Variants in CHL1 observed in about 807,000 individuals in gnomAD.
CHL1 encodes the protein cell adhesion molecule L1 like.
A neutral mutation model predicts 141.9 loss-of-function variants in CHL1; 96 were observed. The observed-to-expected ratio is 0.68, with a 90% CI of 0.57 to 0.80. CHL1 has a LOEUF of 0.80. CHL1 is among the 30% of genes least tolerant of loss of function. CHL1 has a pLI of 0.00. For missense variants in CHL1, 1,820 were observed against 1,457.2 expected, an observed-to-expected ratio of 1.25 and a Z score of -4.05; for synonymous variants, 613 against 502.2, an observed-to-expected ratio of 1.22 and a Z score of -2.95.
At chr3:212,691 T>C (rs1395423774) in intron 1 of CHL1, among the ~76,000 whole-genome samples, 7 of 152,194 alleles carry the variant, frequency 4.6e-5, no homozygotes, top group Admixed American at 2.6e-4. Context: ...GGAGTCAGCC[T>C]TCATTATTCC....
At chr3:356,021 G>A (rs1172632706) in intron 11 of CHL1, among the ~76,000 whole-genome samples, 1 of 152,118 alleles carries the variant, frequency 6.6e-6, no homozygotes, top group African/African-American at 2.4e-5. Context: ...TTAGCACGGG[G>A]ACTGCCACAA....
At chr3:337,834 T>C (rs28798374) in intron 5 of CHL1, among the ~76,000 whole-genome samples, 7,014 of 152,230 alleles carry the variant, frequency 0.046, 192 homozygotes, top group Non-Finnish European at 0.064. Context: ...AATAAACATA[T>C]GTGTGCATGT....
At chr3:337,062 T>C (rs1482360381) in intron 5 of CHL1, among the ~76,000 whole-genome samples, 1 of 152,020 alleles carries the variant, frequency 6.6e-6, no homozygotes, top group Non-Finnish European at 1.5e-5. Flanking sequence ...TGGAGAAGAG[T>C]GAAAAGATAG....
chr3:401,750 G>A (rs557108933), intron 27 of CHL1, 52 bp downstream of exon 27: 2 of 1,064,734 alleles, frequency 1.9e-6, no homozygotes, highest in Admixed American at 2.4e-5. Flanking sequence ...CATGTTGAAA[G>A]CTTAAGTGAA....
At chr3:285,118 T>A (rs964142765) in intron 2 of CHL1, among the ~76,000 whole-genome samples, 2 of 152,234 alleles carry the variant, frequency 1.3e-5, no homozygotes, top group Non-Finnish European at 2.9e-5. Context: ...CAAGCATAAT[T>A]GAAATAATTA....
At chr3:262,519 C>T (rs1373495870) in intron 2 of CHL1, among the ~76,000 whole-genome samples, 3 of 133,804 alleles carry the variant, frequency 2.2e-5, no homozygotes, top group Non-Finnish European at 4.6e-5. Context: ...AAGCCTAGAT[C>T]TACACAGTAC....
intron 11 of CHL1, among the ~76,000 whole-genome samples, chr3:355,895 C>T (rs555527656): frequency 6.6e-4 from 100 of 152,238 alleles, no homozygotes; most frequent in African/African-American, 2.2e-3. Flanking sequence ...AGCTGCGTGA[C>T]GGGGAGTATC....
Position 408,952 on chromosome 3 carries a change from A to G in CHL1, c.*3241A>G, listed in dbSNP as rs929880508. On this transcript the variant is annotated 3_prime_UTR_variant, in exon 28 of 28. Transcript: ENST00000256509. ...TTTTCCTATTTTATACTCATGGAAG[A>G]GATAAGCTAAAGAGGGGACAATAAT... 2 of 152,238 alleles carry G rather than the reference A, an allele frequency of 1.3e-5. No individual in the cohort carries two copies. Among genetic ancestry groups the G allele is most frequent in the East Asian group, 1.9e-4 (1 of 5,178 alleles). The allele number at this position is 152,238 out of a possible 1,614,324, so 9.4% of individuals were successfully genotyped here. A position where few individuals can be genotyped will look rare whatever the true frequency, so the allele number is the denominator to read the frequency against.
intron 2 of CHL1, among the ~76,000 whole-genome samples, chr3:288,722 A>G (rs896385148): frequency 2.6e-5 from 4 of 152,158 alleles, no homozygotes; most frequent in African/African-American, 9.7e-5. Flanking sequence ...TGCATTCTCT[A>G]TGTGTCAGGC....
rs200150722 is a variant in CHL1 at position 323,982 on chromosome 3, TTAAA to T, written c.92-1971_92-1968del. On this transcript the variant is annotated intron_variant, in intron 3 of 27. Coordinates refer to ENST00000256509, the MANE Select transcript of CHL1 (RefSeq NM_006614.4). ...TGATTTACTTTAACATTGAATTATTTTAAATAAATTCATAAGTAAACATTTTGAA... is the reference window on the plus strand; with the variant it reads ...TGATTTACTTTAACATTGAATTATTTTAAATTCATAAGTAAACATTTTGAA... 4.6e-3 allele frequency among the ~76,000 whole-genome samples: 695 copies of T among 152,282 alleles called. 10 individuals are homozygous for T. The highest frequency in any genetic ancestry group is 0.016 in the African/African-American group (665 of 41,564).
rs1709596255 is a variant in CHL1, at chr3:407,414, C to T, written c.*1703C>T. 1 of 152,100 alleles carries T rather than the reference C, an allele frequency of 6.6e-6. No individual in the cohort carries two copies. Among genetic ancestry groups the T allele is most frequent in the South Asian group, 2.1e-4 (1 of 4,826 alleles). 9.4% of individuals were successfully genotyped at this position (152,100 alleles called of 1,614,324 possible). A position where few individuals can be genotyped will look rare whatever the true frequency, so the allele number is the denominator to read the frequency against. ...ATCCAGAATGTATAGACAGGAAAAG[C>T]ATGTCTTATTTAAAACTGTAATTTA... On this transcript the variant is annotated 3_prime_UTR_variant, in exon 28 of 28. Transcript: ENST00000256509.
chr3:289,104 T>A (rs1219282148), intron 2 of CHL1, among the ~76,000 whole-genome samples: 1 of 152,216 alleles, frequency 6.6e-6, no homozygotes, highest in African/African-American at 2.4e-5. Context: ...ATGAATAATA[T>A]CTTGGCATCA....
intron 8 of CHL1, among the ~76,000 whole-genome samples, chr3:343,500 A>G (rs779859104): frequency 9.1e-4 from 138 of 152,260 alleles, no homozygotes; most frequent in Non-Finnish European, 1.2e-3. Flanking sequence ...AGTTTGTAGC[A>G]TTTTTCAAGT....
intron 2 of CHL1, among the ~76,000 whole-genome samples, chr3:292,272 A>G (rs909733796): frequency 2.0e-5 from 3 of 152,202 alleles, no homozygotes; most frequent in African/African-American, 7.2e-5. Context: ...CAGGGCAACT[A>G]CTGCTTGAAT....
Position 259,986 on chromosome 3 carries a change from T to C in CHL1, c.-95+15294T>C, listed in dbSNP as rs541489591. On this transcript the variant is annotated intron_variant, in intron 2 of 27. Coordinates refer to ENST00000256509, the MANE Select transcript of CHL1 (RefSeq NM_006614.4). ...ATGAGTAAATTTTTGAAATATCAGC[T>C]GGGCATGGTGGCTCATGCTTGCAAT... Among the ~76,000 whole-genome samples, 142 of 152,234 alleles carry C rather than the reference T, an allele frequency of 9.3e-4. 2 individuals are homozygous for C. The South Asian group carries it at 0.025, about 26-fold the overall frequency.
chr3:225,712 G>T (rs377618360), intron 1 of CHL1, among the ~76,000 whole-genome samples: 24 of 152,042 alleles, frequency 1.6e-4, no homozygotes, highest in African/African-American at 5.8e-4. Context: ...GCGAGGAACA[G>T]TTAAGAATAG....
intron 2 of CHL1, among the ~76,000 whole-genome samples, chr3:290,213 C>T (rs1697558044): frequency 6.6e-6 from 1 of 151,908 alleles, no homozygotes; most frequent in Non-Finnish European, 1.5e-5. Context: ...ATGAAAAAAC[C>T]ACTTGTTTAT....
At chr3:204,638 T>A (rs1441738835) in intron 1 of CHL1, among the ~76,000 whole-genome samples, 1 of 152,194 alleles carries the variant, frequency 6.6e-6, no homozygotes, top group Non-Finnish European at 1.5e-5. Flanking sequence ...TGACAGAATA[T>A]TAGCTTATTA....
chr3:301,102 A>G (rs1406123349), intron 2 of CHL1, among the ~76,000 whole-genome samples: 1 of 152,162 alleles, frequency 6.6e-6, no homozygotes, highest in Non-Finnish European at 1.5e-5. Flanking sequence ...AAAAATATTA[A>G]CCCAGATCTC....
Sources: allele counts gnomAD v4.1 joint callset (sites outside exome capture counted in the v4.1 genomes callset), GRCh38; gene constraint gnomAD v4.1.1; transcripts MANE v1.5; gene names NCBI Gene and HGNC (gene_info 2026-07-23, HGNC 2026-07-21).